The following CFAP97D2 variants were observed in gnomAD, a reference collection of about 807,000 sequenced individuals.
CFAP97D2 encodes the protein CFAP97 domain containing 2.
chr13:114,197,931 C>T (rs1455806576), intron 2 of CFAP97D2, among the ~76,000 whole-genome samples: 2 of 152,002 alleles, frequency 1.3e-5, no homozygotes, highest in South Asian at 2.1e-4. Context: ...GTGATCTGCC[C>T]GCCTCGGCCT....
chr13:114,209,716 G>A (rs1300675066), intron 3 of CFAP97D2, among the ~76,000 whole-genome samples: 1 of 152,204 alleles, frequency 6.6e-6, no homozygotes, highest in Non-Finnish European at 1.5e-5. Context: ...TTTAAGCACG[G>A]TAAAAGAAAG....
intron 4 of CFAP97D2, among the ~76,000 whole-genome samples, chr13:114,219,698 C>T (rs879431637): frequency 2.0e-5 from 3 of 152,178 alleles, no homozygotes; most frequent in Admixed American, 2.0e-4. Flanking sequence ...ACACTGGCTC[C>T]GAGGCATGCC....
At chr13:114,210,853 G>GAC (rs1417622434) in intron 3 of CFAP97D2, among the ~76,000 whole-genome samples, 14 of 99,020 alleles carry the variant, frequency 1.4e-4, no homozygotes, top group African/African-American at 6.0e-4. Context: ...ACATTTCATT[G>GAC]ATACACACAC....
At chr13:114,210,219 A>G (rs1410595696) in intron 3 of CFAP97D2, among the ~76,000 whole-genome samples, 1 of 152,174 alleles carries the variant, frequency 6.6e-6, no homozygotes, top group African/African-American at 2.4e-5. Flanking sequence ...TTTACATCTC[A>G]TTGAAACTTT....
Position 114,187,528 on chromosome 13 carries a change from G to A in CFAP97D2, c.90+8108G>A, listed in dbSNP as rs566738475. On this transcript the variant is annotated intron_variant, in intron 1 of 4. Coordinates refer to ENST00000646158, the Ensembl canonical transcript of CFAP97D2. This position sits in a 1 kb window ranked among gnomAD's most constrained non-coding sequence, Gnocchi z 4.2. ...CAAAACAAGGAAAGTTAAAGGGAAC[G>A]ATAAAATGGGGTCGATTCTCCAAAA... Among the ~76,000 whole-genome samples, 324 of 152,210 alleles carry A rather than the reference G, an allele frequency of 2.1e-3. 2 individuals carry two copies. Among genetic ancestry groups the A allele is most frequent in the African/African-American group, 7.5e-3 (311 of 41,544 alleles).
chr13:114,189,740 G>T lies in CFAP97D2; in HGVS notation c.91-6656G>T, dbSNP rs1285669490. ...AAATCACATGATCATATCAGTAGATGCAGAGAAAGCATTTAACAAAATCCA... is the reference window on the plus strand; with the variant it reads ...AAATCACATGATCATATCAGTAGATTCAGAGAAAGCATTTAACAAAATCCA... On this transcript the variant is annotated intron_variant, in intron 1 of 4. Coordinates refer to ENST00000646158, the Ensembl canonical transcript of CFAP97D2. This position sits in a 1 kb window ranked among gnomAD's most constrained non-coding sequence, Gnocchi z 4.5. 6.6e-6 allele frequency among the ~76,000 whole-genome samples: 1 copy of T among 152,122 alleles called. No homozygotes were observed. Among genetic ancestry groups the T allele is most frequent in the African/African-American group, 2.4e-5 (1 of 41,418 alleles).
intron 3 of CFAP97D2, among the ~76,000 whole-genome samples, chr13:114,204,638 T>A (rs2080931672): frequency 6.6e-6 from 1 of 152,184 alleles, no homozygotes; most frequent in African/African-American, 2.4e-5. Flanking sequence ...TGCAAAAGAA[T>A]GAAGTTGGAC....
In CFAP97D2 at chr13:114,185,724, G is replaced by C. The variant is rs952934252; in HGVS notation, c.90+6304G>C. Among the ~76,000 whole-genome samples the C allele has an allele frequency of 1.3e-5, 2 of 152,258 alleles. No individual in the cohort carries two copies. The highest frequency in any genetic ancestry group is 4.8e-5 in the African/African-American group (2 of 41,468). On this transcript the variant is annotated intron_variant, in intron 1 of 4. Transcript: ENST00000646158. The surrounding 1 kb of genome is among the most constrained non-coding windows in gnomAD (Gnocchi z 5.2). Reference sequence around the variant, plus strand: ...GCCCGGCTGGGTGTGCCCACACTTAGGGCAGAAGTGACATGCCAGCCCCTT... The same window carrying C: ...GCCCGGCTGGGTGTGCCCACACTTACGGCAGAAGTGACATGCCAGCCCCTT...
intron 4 of CFAP97D2, among the ~76,000 whole-genome samples, chr13:114,221,823 A>G (rs2081023712): frequency 6.6e-6 from 1 of 152,234 alleles, no homozygotes; most frequent in South Asian, 2.1e-4. Flanking sequence ...AAAAAGTTAA[A>G]CAGTTACCAA....
At chr13:114,219,794 G>C (rs2081012176) in intron 4 of CFAP97D2, among the ~76,000 whole-genome samples, 2 of 152,234 alleles carry the variant, frequency 1.3e-5, no homozygotes, top group African/African-American at 4.8e-5. Flanking sequence ...ATTATGGTCT[G>C]TGTGTCCCAA....
intron 2 of CFAP97D2, among the ~76,000 whole-genome samples, chr13:114,197,940 C>T (rs2080894946): frequency 6.6e-6 from 1 of 151,860 alleles, no homozygotes; most frequent in South Asian, 2.1e-4. Flanking sequence ...CCGCCTCGGC[C>T]TCCTGAAATG....
intron 4 of CFAP97D2, among the ~76,000 whole-genome samples, chr13:114,215,144 G>T (rs6560944): frequency 0.065 from 9,925 of 152,168 alleles, 552 homozygotes; most frequent in African/African-American, 0.13. Flanking sequence ...TTTCACCTCT[G>T]CTTAAAGTGG....
rs1877299273 is a variant in CFAP97D2 at position 114,185,538 on chromosome 13, ACC to A, written c.90+6120_90+6121del. 6.6e-6 allele frequency among the ~76,000 whole-genome samples: 1 copy of A among 152,136 alleles called. No homozygotes were observed. Among genetic ancestry groups the A allele is most frequent in the African/African-American group, 2.4e-5 (1 of 41,436 alleles). On this transcript the variant is annotated intron_variant, in intron 1 of 4. Coordinates refer to ENST00000646158, the Ensembl canonical transcript of CFAP97D2. This position sits in a 1 kb window ranked among gnomAD's most constrained non-coding sequence, Gnocchi z 5.2. The stretch of plus-strand genomic sequence containing the variant: ...TGCAGCCACCTGGCCATGGCTGCGG[ACC>A]CAGGCATGTGTGTGGTTCTGCACTC...
At chr13:114,188,413 G>A in intron 1 of CFAP97D2, among the ~76,000 whole-genome samples, 1 of 152,070 alleles carries the variant, frequency 6.6e-6, no homozygotes, top group East Asian at 1.9e-4. Context: ...GGGAAATTTA[G>A]GGCATTGAAT....
intron 3 of CFAP97D2, among the ~76,000 whole-genome samples, chr13:114,206,621 A>C (rs1307070916): frequency 6.6e-6 from 1 of 152,244 alleles, no homozygotes; most frequent in African/African-American, 2.4e-5. Context: ...ACAAATCTAT[A>C]GAAACAGAAA....
At chr13:114,193,102 G>T (rs1036374767) in intron 1 of CFAP97D2, among the ~76,000 whole-genome samples, 1 of 152,066 alleles carries the variant, frequency 6.6e-6, no homozygotes, top group East Asian at 1.9e-4. Context: ...TGTATTGGAG[G>T]TGTTAGTCAA....
intron 3 of CFAP97D2, among the ~76,000 whole-genome samples, chr13:114,202,040 C>T (rs1160758315): frequency 6.6e-6 from 1 of 152,248 alleles, no homozygotes; most frequent in Non-Finnish European, 1.5e-5. Flanking sequence ...ACCCACCACC[C>T]TCTGCCCATC....
intron 1 of CFAP97D2, among the ~76,000 whole-genome samples, chr13:114,184,327 A>T (rs1024784374): frequency 3.9e-5 from 6 of 152,256 alleles, no homozygotes; most frequent in Non-Finnish European, 8.8e-5. Flanking sequence ...TATTTGAAGC[A>T]ATAATGAATG....
intron 3 of CFAP97D2, 47 bp downstream of exon 3, chr13:114,200,490 G>A (rs1487146697): frequency 1.3e-5 from 5 of 398,210 alleles, no homozygotes; most frequent in Non-Finnish European, 2.2e-5. Context: ...CACCAAACCC[G>A]AGTGCTGGGA....
Sources: gnomAD v4.1 joint callset for allele counts (sites outside exome capture counted in the v4.1 genomes callset) on GRCh38, gnomAD v4.1.1 for gene constraint, Gnocchi (gnomAD v3.1) non-coding constraint, MANE v1.5 for transcripts, NCBI Gene and HGNC (gene_info 2026-07-23, HGNC 2026-07-21) for gene names.